ZNF385D: variants seen among roughly 807,000 people sequenced by gnomAD.
ZNF385D encodes the protein zinc finger protein 385D.
In ZNF385D, 15 loss-of-function variants were observed where a neutral mutation model predicts 35.8. That is an observed-to-expected ratio of 0.42 (90% confidence interval 0.28 to 0.64). The LOEUF (loss-of-function observed/expected upper bound fraction) is 0.64, where lower values mean the gene tolerates loss of function less well. Ranked by LOEUF, ZNF385D falls within the 30% of genes least tolerant of loss-of-function variation. ZNF385D has a pLI of 0.23. For synonymous variants in ZNF385D, 212 were observed against 186.8 expected (o/e 1.13, Z -1.10); for missense variants, 474 against 494.6 (o/e 0.96, Z 0.39).
chr3:21,802,675 A>G (rs1285037576), intron 3 of ZNF385D, among the ~76,000 whole-genome samples: 2 of 152,214 alleles, frequency 1.3e-5, no homozygotes, highest in African/African-American at 4.8e-5. Flanking sequence ...TACACTCAAT[A>G]GAACACTTGT....
intron 3 of ZNF385D, among the ~76,000 whole-genome samples, chr3:22,061,634 C>G (rs958566351): frequency 1.3e-4 from 20 of 152,192 alleles, no homozygotes; most frequent in Non-Finnish European, 2.1e-4. Flanking sequence ...TCTCTTTCAA[C>G]AGTTCATCCA....
At chr3:21,921,815 A>G (rs1700477934) in intron 3 of ZNF385D, among the ~76,000 whole-genome samples, 1 of 150,536 alleles carries the variant, frequency 6.6e-6, no homozygotes, top group Non-Finnish European at 1.5e-5. Flanking sequence ...TGAACAGACC[A>G]GCAAGTTTTG....
chr3:21,665,985 A>C (rs540779775), intron 1 of ZNF385D, among the ~76,000 whole-genome samples: 17 of 152,336 alleles, frequency 1.1e-4, no homozygotes, highest in Admixed American at 3.9e-4. Context: ...TGCTGGTGAG[A>C]ATCCAACAAG....
At chr3:22,186,873 T>C (rs957245317) in intron 2 of ZNF385D, among the ~76,000 whole-genome samples, 1 of 152,310 alleles carries the variant, frequency 6.6e-6, no homozygotes, top group South Asian at 2.1e-4. Context: ...TTAGTGTTTG[T>C]TTATAAATGA....
intron 3 of ZNF385D, among the ~76,000 whole-genome samples, chr3:22,036,696 G>A (rs1389603901): frequency 1.3e-5 from 2 of 149,102 alleles, no homozygotes; most frequent in Non-Finnish European, 3.0e-5. Flanking sequence ...AGAAAGAAGA[G>A]TAGCCCTACT....
intron 2 of ZNF385D, among the ~76,000 whole-genome samples, chr3:22,208,353 T>C (rs1363072871): frequency 6.6e-6 from 1 of 151,782 alleles, no homozygotes; most frequent in Non-Finnish European, 1.5e-5. Context: ...GAAAAACTCT[T>C]CATGTTCTCA....
chr3:21,450,932 A>G (rs963241186), intron 4 of ZNF385D, among the ~76,000 whole-genome samples: 4 of 152,136 alleles, frequency 2.6e-5, no homozygotes, highest in African/African-American at 7.2e-5. Context: ...ATGTTTCCTC[A>G]GCCTGGAAGT....
intron 2 of ZNF385D, among the ~76,000 whole-genome samples, chr3:21,662,390 C>T (rs1050861853): frequency 6.6e-6 from 1 of 152,108 alleles, no homozygotes; most frequent in Middle Eastern, 3.2e-3. Flanking sequence ...CCTTAGCATA[C>T]CCTGAAACAA....
intron 3 of ZNF385D, among the ~76,000 whole-genome samples, chr3:22,095,549 A>G (rs779172): frequency 0.77 from 116,219 of 151,790 alleles, 45,352 homozygotes; most frequent in Non-Finnish European, 0.84. Flanking sequence ...GTGATCTGTG[A>G]ATGAAATTCC....
intron 3 of ZNF385D, among the ~76,000 whole-genome samples, chr3:22,036,133 G>GA (rs1243753588): frequency 6.6e-6 from 1 of 152,220 alleles, no homozygotes; most frequent in Admixed American, 6.5e-5. Context: ...AGTAGTTAGA[G>GA]AAAAAATGTG....
At chr3:22,057,894 A>G (rs191240122) in intron 3 of ZNF385D, among the ~76,000 whole-genome samples, 2 of 152,230 alleles carry the variant, frequency 1.3e-5, no homozygotes, top group African/African-American at 4.8e-5. Flanking sequence ...AAATTGAAAT[A>G]AAGACTGATG....
chr3:22,323,211 C>A (rs1226551646), intron 2 of ZNF385D, among the ~76,000 whole-genome samples: 1 of 152,174 alleles, frequency 6.6e-6, no homozygotes, highest in Non-Finnish European at 1.5e-5. Context: ...TTTCCACACT[C>A]AGGGCCACAA....
intron 3 of ZNF385D, among the ~76,000 whole-genome samples, chr3:21,862,352 G>A (rs1697101884): frequency 6.7e-6 from 1 of 149,774 alleles, no homozygotes. Context: ...TAACACCTTT[G>A]AAACTGAGAA....
At chr3:21,469,571 G>T (rs887119181) in intron 4 of ZNF385D, among the ~76,000 whole-genome samples, 2 of 151,986 alleles carry the variant, frequency 1.3e-5, no homozygotes, top group Non-Finnish European at 2.9e-5. Context: ...TCAGACAAAA[G>T]AATACATTTA....
intron 3 of ZNF385D, among the ~76,000 whole-genome samples, chr3:21,532,286 C>A (rs1267011894): frequency 6.6e-6 from 1 of 152,076 alleles, no homozygotes; most frequent in Non-Finnish European, 1.5e-5. Flanking sequence ...ACCATCTTAC[C>A]TTTGGACTTC....
chr3:21,621,701 G>A (rs542433631), intron 2 of ZNF385D, among the ~76,000 whole-genome samples: 1 of 152,044 alleles, frequency 6.6e-6, no homozygotes, highest in East Asian at 1.9e-4. Flanking sequence ...CTGTAAAACA[G>A]GAAAGTTAAA....
chr3:21,758,744 CT>C (rs2070459224), intron 3 of ZNF385D, among the ~76,000 whole-genome samples: 2 of 152,088 alleles, frequency 1.3e-5, no homozygotes, highest in South Asian at 4.1e-4. Context: ...GCCTCTCTTT[CT>C]TTTTCTTCTA....
intron 3 of ZNF385D, among the ~76,000 whole-genome samples, chr3:21,878,777 C>A (rs558729629): frequency 5.3e-5 from 8 of 152,044 alleles, no homozygotes; most frequent in Admixed American, 3.9e-4. Context: ...AGCTGTAACA[C>A]GACATGCCTG....
At chr3:21,457,681 A>G (rs1311631361) in intron 4 of ZNF385D, among the ~76,000 whole-genome samples, 2 of 152,126 alleles carry the variant, frequency 1.3e-5, no homozygotes, top group East Asian at 3.9e-4. Context: ...TGACGAATTT[A>G]TTACATGATT....
Sources: allele counts gnomAD v4.1 joint callset (sites outside exome capture counted in the v4.1 genomes callset), GRCh38; gene constraint gnomAD v4.1.1; transcripts MANE v1.5; gene names NCBI Gene and HGNC (gene_info 2026-07-23, HGNC 2026-07-21).